The following SLC66A1 variants were observed in gnomAD, a reference collection of about 807,000 sequenced individuals.
The protein encoded by SLC66A1 is lysosomal amino acid transporter 1 homolog.
SLC66A1 carries 23 observed loss-of-function variants against 33.0 expected under a neutral mutation model. That is an observed-to-expected ratio of 0.70 (90% CI 0.50 to 0.99). SLC66A1 has a LOEUF of 0.99. Among genes scored for constraint, SLC66A1 ranks in the 50% least tolerant of loss-of-function variants. The probability of loss-of-function intolerance (pLI) is 0.00; values close to 1 mark genes in which losing one functional copy is unlikely to be tolerated. For synonymous variants in SLC66A1, 164 were observed against 175.5 expected (o/e 0.93, Z 0.52); for missense variants, 335 against 383.6 (o/e 0.87, Z 1.06).
In SLC66A1 at chr1:19,328,434, G is replaced by A. The variant is rs2093880910; in HGVS notation, c.805-138G>A. ...GCACAGCTAAGGTAGCGGCTGGGAGGTTATGGCTGGCCCTTCCCACCTGCA... is the reference window on the plus strand; with the variant it reads ...GCACAGCTAAGGTAGCGGCTGGGAGATTATGGCTGGCCCTTCCCACCTGCA... On this transcript the variant is annotated intron_variant, in intron 7 of 7. Transcript: ENST00000375153. The surrounding 1 kb of genome is among the most constrained non-coding windows in gnomAD (Gnocchi z 4.7). 1 of 773,202 alleles carries A rather than the reference G, an allele frequency of 1.3e-6. No homozygotes were observed. The highest frequency in any genetic ancestry group is 2.2e-6 in the Non-Finnish European group (1 of 456,626). 47.9% of individuals were successfully genotyped at this position (773,202 alleles called of 1,614,324 possible). A position where few individuals can be genotyped will look rare whatever the true frequency, so the allele number is the denominator to read the frequency against.
intron 2 of SLC66A1, among the ~76,000 whole-genome samples, chr1:19,319,892 A>G (rs1256077945): frequency 6.7e-6 from 1 of 148,544 alleles, no homozygotes; most frequent in African/African-American, 2.5e-5. Context: ...GACAAGAGAG[A>G]GTCTCCGTCT....
At chr1:19,331,622 C>A (rs964604059), downstream of SLC66A1, among the ~76,000 whole-genome samples, 1 of 152,220 alleles carries the variant, frequency 6.6e-6, no homozygotes. Context: ...TACCCCCAGG[C>A]CCGAAGCCCC....
Position 19,317,585 on chromosome 1 carries a change from C to T in SLC66A1, c.-78-15C>T, listed in dbSNP as rs2093812362. ...ACCTCCCAGTGCTGAAAGCCTCCTC[C>T]CTTCCTCCCTGTAGAACCCTTGCTG... On this transcript the variant is annotated splice_polypyrimidine_tract_variant and intron_variant, in intron 1 of 7. Transcript: ENST00000375153. The T allele has an allele frequency of 2.6e-6, 4 of 1,534,386 alleles. No individual in the cohort carries two copies. Among genetic ancestry groups the T allele is most frequent in the Non-Finnish European group, 2.6e-6 (3 of 1,143,708 alleles).
At chr1:19,326,444 C>G in intron 5 of SLC66A1, 57 bp downstream of exon 5, 1 of 1,610,392 alleles carries the variant, frequency 6.2e-7, no homozygotes, top group Non-Finnish European at 8.5e-7. Flanking sequence ...CCAGGGCTCT[C>G]CCCTGCACAG....
At chr1:19,313,754 G>A (rs2093790195) in intron 1 of SLC66A1, among the ~76,000 whole-genome samples, 1 of 152,210 alleles carries the variant, frequency 6.6e-6, no homozygotes, top group African/African-American at 2.4e-5. Flanking sequence ...GTAACTTGAG[G>A]CCTAGCCTCA....
At chr1:19,322,044 G>A (rs6670030) in intron 2 of SLC66A1, among the ~76,000 whole-genome samples, 36,296 of 152,148 alleles carry the variant, frequency 0.24, 4,656 homozygotes, top group South Asian at 0.33. Context: ...TTCCATTCTG[G>A]TACCCTTGAA....
downstream of SLC66A1, among the ~76,000 whole-genome samples, chr1:19,332,106 A>G (rs1360034643): frequency 1.3e-5 from 2 of 152,172 alleles, no homozygotes; most frequent in Admixed American, 6.5e-5. Flanking sequence ...CGCCCCAAGG[A>G]GGATTCAAAC....
At chr1:19,318,408 C>T (rs1003890108) in intron 2 of SLC66A1, among the ~76,000 whole-genome samples, 39 of 152,094 alleles carry the variant, frequency 2.6e-4, no homozygotes, top group African/African-American at 8.5e-4. Flanking sequence ...TTGACCTGGG[C>T]GTGTCACCTC....
downstream of SLC66A1, among the ~76,000 whole-genome samples, chr1:19,333,508 C>T (rs1305776357): frequency 2.6e-5 from 4 of 152,084 alleles, no homozygotes; most frequent in Admixed American, 2.0e-4. The surrounding 1 kb of genome is among the most constrained non-coding windows in gnomAD (Gnocchi z 4.2). Context: ...TTCCTGAAGC[C>T]GAGGAAGGGG....
intron 1 of SLC66A1, among the ~76,000 whole-genome samples, chr1:19,315,668 C>A (rs1226873181): frequency 6.6e-6 from 1 of 152,324 alleles, no homozygotes; most frequent in Admixed American, 6.5e-5. Flanking sequence ...AAAGAGGAAG[C>A]CCACTTTCTG....
chr1:19,333,151 T>C (rs1247203201), downstream of SLC66A1, among the ~76,000 whole-genome samples: 7 of 152,204 alleles, frequency 4.6e-5, no homozygotes, highest in African/African-American at 1.7e-4. The surrounding 1 kb of genome is among the most constrained non-coding windows in gnomAD (Gnocchi z 4.2). Context: ...TGCCGAGCAC[T>C]GGACCCCGCG....
intron 2 of SLC66A1, among the ~76,000 whole-genome samples, chr1:19,320,589 ATT>A (rs375394805): frequency 0.016 from 2,306 of 147,264 alleles, 27 homozygotes; most frequent in Non-Finnish European, 0.022. Flanking sequence ...AATTTTTTGT[ATT>A]TTTTTAGTAG....
rs1048835683 is a variant in SLC66A1, at chr1:19,324,842, C to G, written c.294+80C>G. On this transcript the variant is annotated intron_variant, in intron 3 of 7. Transcript: ENST00000375153. ...GGGTTGCCTGAGGAGATGCCAGGCT[C>G]TTTGGCCCGCCTGGTCTCCAGAACC... The G allele has an allele frequency of 4.6e-6, 7 of 1,535,640 alleles. No homozygotes were observed. In the Admixed American group the frequency reaches 1.3e-4, roughly 29 times the overall value.
intron 2 of SLC66A1, among the ~76,000 whole-genome samples, chr1:19,319,518 A>G (rs1379125628): frequency 6.6e-6 from 1 of 151,558 alleles, no homozygotes; most frequent in Non-Finnish European, 1.5e-5. Context: ...TGTGTATAGC[A>G]CATTTGGTTA....
At chr1:19,327,829 TAGG>T in intron 7 of SLC66A1, 3 of 349,252 alleles carry the variant, frequency 8.6e-6, no homozygotes, top group Non-Finnish European at 1.7e-5. Context: ...CTTGACAGAG[TAGG>T]AGAAGTCAGG....
chr1:19,319,199 C>T (rs2093820989), intron 2 of SLC66A1, among the ~76,000 whole-genome samples: 1 of 152,216 alleles, frequency 6.6e-6, no homozygotes, highest in Non-Finnish European at 1.5e-5. Flanking sequence ...TTAGTATAGC[C>T]AGAGTTGTGT....
chr1:19,329,852 CA>C (rs2093887672), downstream of SLC66A1, among the ~76,000 whole-genome samples: 1 of 152,062 alleles, frequency 6.6e-6, no homozygotes, highest in African/African-American at 2.4e-5. Context: ...GGAGATATCA[CA>C]GGGAAAGAGG....
At position 19,327,295 on chromosome 1, in the gene SLC66A1, G is replaced by A. The variant is rs2093873357; in HGVS notation, c.687G>A (p.Leu229=). 4 of 1,613,766 alleles carry A rather than the reference G, an allele frequency of 2.5e-6. No individual in the cohort carries two copies. Among genetic ancestry groups the A allele is most frequent in the Middle Eastern group, 1.6e-4 (1 of 6,076 alleles). The stretch of plus-strand genomic sequence containing the variant: ...CGCTGGTGATGCTGGGGAACACGCT[G>A]TATGGGCTGAGCGTGCTGCTCAAAA... ...LFALVMLGNT[L]YGLSVLLKNP... is the part of the protein sequence containing the mutation. Residue 229 remains leucine, a synonymous_variant, in exon 7 of 8, where the codon CTG becomes CTA. Coordinates refer to ENST00000375153, the MANE Select transcript of SLC66A1 (RefSeq NM_001040125.2).
intron 2 of SLC66A1, 97 bp from the exon 3 acceptor site, chr1:19,324,536 A>T (rs1355624354): frequency 2.7e-6 from 4 of 1,470,096 alleles, no homozygotes; most frequent in Non-Finnish European, 3.7e-6. Context: ...CGCCGCCTCG[A>T]TCCCCATGGT....
Sources: allele counts gnomAD v4.1 joint callset (sites outside exome capture counted in the v4.1 genomes callset), GRCh38; gene constraint gnomAD v4.1.1; non-coding constraint Gnocchi (gnomAD v3.1); transcripts MANE v1.5; gene names NCBI Gene and HGNC (gene_info 2026-07-23, HGNC 2026-07-21).